GATA5: variants seen among roughly 807,000 people sequenced by gnomAD.
GATA5 encodes the protein transcription factor GATA-5.
GATA5 carries 27 observed loss-of-function variants against 35.0 expected under a neutral mutation model. The observed-to-expected ratio is 0.77, with a 90% confidence interval of 0.57 to 1.06. The LOEUF is 1.06. GATA5 is among the 50% of genes least tolerant of loss of function. The pLI is 0.00. For missense variants in GATA5, 612 were observed against 580.0 expected (o/e 1.06, Z -0.57); for synonymous variants, 306 against 267.8 (o/e 1.14, Z -1.39).
chr20:62,465,037 G>A (rs572350211), intron 6 of GATA5, 46 bp from the exon 7 acceptor site: 33 of 1,126,970 alleles, frequency 2.9e-5, no homozygotes, highest in Middle Eastern at 2.9e-4. Context: ...GGCGTGGGGC[G>A]TGGGGGGCTG....
intron 4 of GATA5, among the ~76,000 whole-genome samples, 186 bp downstream of exon 4, chr20:62,466,240 C>T (rs1341798639): frequency 1.3e-5 from 2 of 152,254 alleles, no homozygotes; most frequent in Non-Finnish European, 2.9e-5. Context: ...GTGAGTGTAA[C>T]AGGAATAGCC....
chr20:62,475,436 C>A lies in GATA5; in HGVS notation c.86G>T (p.Gly29Val). The change falls in exon 2 of 7, where the codon GGC (glycine) becomes GTC (valine). Residue 29 changes from glycine (G) to valine (V), a missense_variant. Coordinates refer to ENST00000252997, the MANE Select transcript of GATA5 (RefSeq NM_080473.5). ...CGCCGGCGGCACAAACATCGGAGAG[C>A]CGGCGCCCGGAGCGTGCAGGAAGGA... ...SGSFLHAPGA[G>V]SPMFVPPARV... 1 of 1,357,100 alleles carries A rather than the reference C, an allele frequency of 7.4e-7. No individual in the cohort carries two copies. The allele number at this position is 1,357,100 out of a possible 1,614,324, so 84.1% of individuals were successfully genotyped here.
intron 3 of GATA5, among the ~76,000 whole-genome samples, chr20:62,467,799 G>A (rs1989627286): frequency 6.6e-6 from 1 of 152,260 alleles, no homozygotes. Flanking sequence ...AGGCACAAGT[G>A]AGCCAGCCAC....
rs781873528 is a variant in GATA5 at position 62,465,430 on chromosome 20, A to G, written c.948T>C (p.Ala316=). ...STRNASASPS[A]VASTDSSAAT... is the part of the protein sequence containing the mutation. ...CTGCTGAGCTGTCAGTGCTGGCGACAGCAGATGGGGAGGCCGAGGCATTCC... is the reference window on the plus strand; with the variant it reads ...CTGCTGAGCTGTCAGTGCTGGCGACGGCAGATGGGGAGGCCGAGGCATTCC... The change falls in exon 6 of 7, where the codon GCT becomes GCC. Residue 316 remains alanine (A), a synonymous_variant. Transcript: ENST00000252997. The G allele has an allele frequency of 1.5e-5, 24 of 1,608,738 alleles. No individual in the cohort carries two copies. The highest frequency in any genetic ancestry group is 2.0e-5 in the Non-Finnish European group (24 of 1,179,568).
At position 62,463,700 on chromosome 20, in the gene GATA5, A is replaced by G. The variant is rs1277824307; in HGVS notation, c.*1136T>C. On this transcript the variant is annotated 3_prime_UTR_variant, in exon 7 of 7. Transcript: ENST00000252997. ...GTCTAGCTGGCTCACAATGTTAAAA[A>G]TATTTTTGAATCAAATTGGAAGACT... 2.0e-5 allele frequency: 3 copies of G among 152,350 alleles called. No individual in the cohort carries two copies. The highest frequency in any genetic ancestry group is 3.9e-4 in the East Asian group (2 of 5,186). 9.4% of individuals were successfully genotyped at this position (152,350 alleles called of 1,614,324 possible).
At chr20:62,469,782 C>A (rs1235549154) in intron 3 of GATA5, among the ~76,000 whole-genome samples, 1 of 152,226 alleles carries the variant, frequency 6.6e-6, no homozygotes, top group Non-Finnish European at 1.5e-5. Flanking sequence ...TTTCCTAAAT[C>A]TTCACCAGAT....
intron 3 of GATA5, 100 bp downstream of exon 3, chr20:62,473,303 C>T: frequency 2.2e-6 from 3 of 1,364,268 alleles, no homozygotes; most frequent in Non-Finnish European, 3.0e-6. Context: ...ACACTCCCTA[C>T]CCCCTACCCC....
intron 3 of GATA5, among the ~76,000 whole-genome samples, chr20:62,469,837 A>T (rs1989679955): frequency 6.6e-6 from 1 of 152,190 alleles, no homozygotes; most frequent in Non-Finnish European, 1.5e-5. Context: ...GAGCTGCGGG[A>T]CCAGAGGAAA....
chr20:62,475,471 G>A lies in GATA5; in HGVS notation c.51C>T (p.Ala17=), dbSNP rs1555897086. The change falls in exon 2 of 7, where the codon GCC becomes GCT. Residue 17 remains alanine, a synonymous_variant. Coordinates refer to ENST00000252997, the MANE Select transcript of GATA5 (RefSeq NM_080473.5). ...GAGCGTGCAGGAAGGAGCCCGAGTCGGCGTAGGCGGCCTGGCGGGGGCTCG... is the reference window on the plus strand; with the variant it reads ...GAGCGTGCAGGAAGGAGCCCGAGTCAGCGTAGGCGGCCTGGCGGGGGCTCG... The part of the protein sequence containing the change: ...LAASPRQAAY[A]DSGSFLHAPG... 3 of 1,331,818 alleles carry A rather than the reference G, an allele frequency of 2.3e-6. No individual in the cohort carries two copies. Among genetic ancestry groups the A allele is most frequent in the African/African-American group, 1.5e-5 (1 of 65,978 alleles). The allele number at this position is 1,331,818 out of a possible 1,614,324, so 82.5% of individuals were successfully genotyped here. A position where few individuals can be genotyped will look rare whatever the true frequency, so the allele number is the denominator to read the frequency against.
rs548049609 is a variant in GATA5, at chr20:62,465,805, G to C, written c.913+29C>G. 11 of 1,527,624 alleles carry C rather than the reference G, an allele frequency of 7.2e-6. No individual in the cohort carries two copies. The South Asian group carries it at 9.5e-5, about 13-fold the overall frequency. 94.6% of individuals were successfully genotyped at this position (1,527,624 alleles called of 1,614,324 possible). A position where few individuals can be genotyped will look rare whatever the true frequency, so the allele number is the denominator to read the frequency against. On this transcript the variant is annotated intron_variant, in intron 5 of 6. Transcript: ENST00000252997. ...GCACCGAAGGCCACTCCGCAGGAGC[G>C]GGGCTGACTGCAGGGCCTGGCCACG...
rs201124352 is a variant in GATA5, at chr20:62,464,810, C to T, written c.*26G>A. The T allele has an allele frequency of 5.4e-5, 85 of 1,560,352 alleles. No individual in the cohort carries two copies. In the East Asian group the frequency reaches 1.8e-3, roughly 33 times the overall value. ...AGTGGGTGGTCTGTTCCAGGCTGTTCCCCTGACATGGGCTGGCCTGGGGAC... is the reference window on the plus strand; with the variant it reads ...AGTGGGTGGTCTGTTCCAGGCTGTTTCCCTGACATGGGCTGGCCTGGGGAC... On this transcript the variant is annotated 3_prime_UTR_variant, in exon 7 of 7. Coordinates refer to ENST00000252997, the MANE Select transcript of GATA5 (RefSeq NM_080473.5).
chr20:62,464,676 C>T lies in GATA5; in HGVS notation c.*160G>A. ...GCTCTGGGGCCCGACTGCCGTCTGT[C>T]CAGAAGGCCTCCCCACCACTGTGTG... On this transcript the variant is annotated 3_prime_UTR_variant, in exon 7 of 7. Coordinates refer to ENST00000252997, the MANE Select transcript of GATA5 (RefSeq NM_080473.5). 1.6e-6 allele frequency: 1 copy of T among 622,560 alleles called. No homozygotes were observed. Among genetic ancestry groups the T allele is most frequent in the Non-Finnish European group, 2.6e-6 (1 of 377,624 alleles). 38.6% of individuals were successfully genotyped at this position (622,560 alleles called of 1,614,324 possible).
intron 3 of GATA5, among the ~76,000 whole-genome samples, chr20:62,469,122 T>A (rs1416282828): frequency 6.6e-6 from 1 of 152,166 alleles, no homozygotes; most frequent in Non-Finnish European, 1.5e-5. Flanking sequence ...CACCCATCCG[T>A]CTGTCTTCCT....
chr20:62,475,077 C>T lies in GATA5; in HGVS notation c.445G>A (p.Asp149Asn). Residue 149 changes from aspartate to asparagine, a missense_variant, in exon 2 of 7, where the codon GAC becomes AAC. By Grantham distance (23) the Asp-to-Asn change is conservative (BLOSUM62 1). Coordinates refer to ENST00000252997, the MANE Select transcript of GATA5 (RefSeq NM_080473.5). ...SATYPAYVSP[D>N]VAQSWTAGPF... ...CCGGCAGTCCAGGACTGGGCCACGT[C>T]GGGGCTCACGTAGGCCGGGTAGGTG... The T allele has an allele frequency of 1.4e-6, 2 of 1,408,904 alleles. No homozygotes were observed. The highest frequency in any genetic ancestry group is 1.9e-6 in the Non-Finnish European group (2 of 1,077,772). 87.3% of individuals were successfully genotyped at this position (1,408,904 alleles called of 1,614,324 possible). A position where few individuals can be genotyped will look rare whatever the true frequency, so the allele number is the denominator to read the frequency against.
At position 62,473,629 on chromosome 20, in the gene GATA5, T is replaced by C. The variant is rs1555896808; in HGVS notation, c.524-51A>G. 3.3e-6 allele frequency: 5 copies of C among 1,503,770 alleles called. No individual in the cohort carries two copies. In the African/African-American group the frequency reaches 5.6e-5, roughly 17 times the overall value. 93.2% of individuals were successfully genotyped at this position (1,503,770 alleles called of 1,614,324 possible). A position where few individuals can be genotyped will look rare whatever the true frequency, so the allele number is the denominator to read the frequency against. Reference sequence around the variant, plus strand: ...CCGGGCCCTCCCCTCCCCAGGATCCTCCCCAGCTCATGGGCCGGCACCCTC... The same window carrying C: ...CCGGGCCCTCCCCTCCCCAGGATCCCCCCCAGCTCATGGGCCGGCACCCTC... On this transcript the variant is annotated intron_variant, in intron 2 of 6. Coordinates refer to ENST00000252997, the MANE Select transcript of GATA5 (RefSeq NM_080473.5).
Position 62,466,485 on chromosome 20 carries a change from G to GCCGC in GATA5, c.762_765dup (p.Arg256AlafsTer67). 1 of 1,574,836 alleles carries GCCGC rather than the reference G, an allele frequency of 6.3e-7. No individual in the cohort carries two copies. The highest frequency in any genetic ancestry group is 8.6e-7 in the Non-Finnish European group (1 of 1,160,598). ...CACACGGGCTCCCCCTCCGAGTTCC[G>GCCGC]CCGCCACAGCGTGGTGTTGGTCGTG... On this transcript the variant is annotated frameshift_variant, in exon 4 of 7. Transcript: ENST00000252997. LOFTEE classifies it high-confidence loss of function.
chr20:62,465,327 C>T lies in GATA5; in HGVS notation c.1038+13G>A, dbSNP rs539272321. 40 of 1,585,312 alleles carry T rather than the reference C, an allele frequency of 2.5e-5. No homozygotes were observed. In the South Asian group the frequency reaches 4.0e-4, roughly 16 times the overall value. On this transcript the variant is annotated intron_variant, in intron 6 of 6. Coordinates refer to ENST00000252997, the MANE Select transcript of GATA5 (RefSeq NM_080473.5). ...CCCAGCTCTGGGCACCCCACCCCAG[C>T]CCACCCCCTTACCTGGGGGGCCATG...
In GATA5 at chr20:62,475,185, C is replaced by G. The variant is rs1303649231; in HGVS notation, c.337G>C (p.Gly113Arg). ...GSGGSAGGRDGSAYQGALLPR... is the reference protein window; with the variant it reads ...GSGGSAGGRDRSAYQGALLPR... ...AACAGCGCGCCCTGGTAGGCACTGC[C>G]GTCTCGGCCCCCCGCGCTGCCGCCG... The change falls in exon 2 of 7, where the codon GGC becomes CGC. Residue 113 changes from glycine (G) to arginine (R), a missense_variant. By Grantham distance (125) the Gly-to-Arg change is moderately radical (BLOSUM62 -2). Transcript: ENST00000252997. The G allele has an allele frequency of 2.4e-6, 3 of 1,268,750 alleles. No individual in the cohort carries two copies. The highest frequency in any genetic ancestry group is 4.1e-5 in the Admixed American group (1 of 24,192). The allele number at this position is 1,268,750 out of a possible 1,614,324, so 78.6% of individuals were successfully genotyped here.
chr20:62,467,395 G>T (rs1989618506), intron 3 of GATA5, among the ~76,000 whole-genome samples: 3 of 152,134 alleles, frequency 2.0e-5, no homozygotes, highest in African/African-American at 7.2e-5. Flanking sequence ...GTGTTTGGGA[G>T]CTCGGGAGCT....
Sources: gnomAD v4.1 joint callset for allele counts (sites outside exome capture counted in the v4.1 genomes callset) on GRCh38, gnomAD v4.1.1 for gene constraint, MANE v1.5 for transcripts, NCBI Gene and HGNC (gene_info 2026-07-23, HGNC 2026-07-21) for gene names.